CCDC61: variants seen among roughly 807,000 people sequenced by gnomAD.
The protein encoded by CCDC61 is centrosomal protein CCDC61.
A neutral mutation model predicts 63.0 loss-of-function variants in CCDC61; 55 were observed. The observed-to-expected ratio is 0.87, with a 90% CI of 0.70 to 1.09. The LOEUF (loss-of-function observed/expected upper bound fraction) is 1.09. Among genes scored for constraint, CCDC61 ranks in the 50% least tolerant of loss-of-function variants. The probability of loss-of-function intolerance (pLI) is 0.00; values close to 1 mark genes in which losing one functional copy is unlikely to be tolerated. For synonymous variants in CCDC61, 270 were observed against 317.0 expected, an observed-to-expected ratio of 0.85 and a Z score of 1.58; for missense variants, 651 against 731.4, an observed-to-expected ratio of 0.89 and a Z score of 1.27.
chr19:46,009,109 A>C (rs2146472688), intron 5 of CCDC61, among the ~76,000 whole-genome samples: 1 of 152,282 alleles, frequency 6.6e-6, no homozygotes, highest in South Asian at 2.1e-4. Flanking sequence ...AGGCTGTCAC[A>C]GGACTCCACT....
At chr19:46,003,889 A>G (rs191708902) in intron 3 of CCDC61, among the ~76,000 whole-genome samples, 94 of 150,782 alleles carry the variant, frequency 6.2e-4, no homozygotes, top group African/African-American at 2.2e-3. Flanking sequence ...GTAATTATAT[A>G]TAGTTTATAT....
In CCDC61 at chr19:46,018,436, T is replaced by C; in HGVS notation, c.*49T>C. On this transcript the variant is annotated 3_prime_UTR_variant, in exon 14 of 14. Coordinates refer to ENST00000595358, the MANE Select transcript of CCDC61 (RefSeq NM_001267723.2). The surrounding 1 kb of genome is among the most constrained non-coding windows in gnomAD (Gnocchi z 4.2). ...CCATCCCCCACCCACTTGCTGGGTA[T>C]GGTGTGGGGGGTGGGGCCAGGGTGG... 3 of 1,469,142 alleles carry C rather than the reference T, an allele frequency of 2.0e-6. No individual in the cohort carries two copies. The highest frequency in any genetic ancestry group is 1.2e-5 in the South Asian group (1 of 81,092). The allele number at this position is 1,469,142 out of a possible 1,614,324, so 91.0% of individuals were successfully genotyped here. A position where few individuals can be genotyped will look rare whatever the true frequency, so the allele number is the denominator to read the frequency against.
At position 46,016,261 on chromosome 19, in the gene CCDC61, T is replaced by C. The variant is rs1346198395; in HGVS notation, c.1015+38T>C. 2 of 1,603,104 alleles carry C rather than the reference T, an allele frequency of 1.2e-6. No homozygotes were observed. Among genetic ancestry groups the C allele is most frequent in the Non-Finnish European group, 1.7e-6 (2 of 1,174,688 alleles). ...GCCCTGCGGTAGGGAGGGGACGCAC[T>C]GGCGCTGCCAAGGCCCGTCTCCGGA... On this transcript the variant is annotated intron_variant, in intron 8 of 13. Transcript: ENST00000595358. This position sits in a 1 kb window ranked among gnomAD's most constrained non-coding sequence, Gnocchi z 7.2.
At chr19:46,012,002 C>T (rs1600651101) in intron 5 of CCDC61, among the ~76,000 whole-genome samples, 4 of 152,244 alleles carry the variant, frequency 2.6e-5, no homozygotes, top group South Asian at 4.2e-4. Flanking sequence ...GGGGTTTCAC[C>T]GTGTTGGCCA....
Position 46,016,182 on chromosome 19 carries a change from G to A in CCDC61, c.974G>A (p.Arg325Gln). 1.2e-5 allele frequency: 16 copies of A among 1,310,392 alleles called. No homozygotes were observed. Among genetic ancestry groups the A allele is most frequent in the South Asian group, 2.3e-5 (1 of 43,952 alleles). The allele number at this position is 1,310,392 out of a possible 1,614,324, so 81.2% of individuals were successfully genotyped here. A position where few individuals can be genotyped will look rare whatever the true frequency, so the allele number is the denominator to read the frequency against. Residue 325 changes from arginine (R) to glutamine (Q), a missense_variant, in exon 8 of 14, where the codon CGG (arginine) becomes CAG (glutamine). Physicochemically the swap from Arg to Gln is conservative, Grantham distance 43. Coordinates refer to ENST00000595358, the MANE Select transcript of CCDC61 (RefSeq NM_001267723.2). This position sits in a 1 kb window ranked among gnomAD's most constrained non-coding sequence, Gnocchi z 7.2. Reference protein sequence around the residue: ...SSSRESGRGSRGRGRPARPSP... With the variant: ...SSSRESGRGSQGRGRPARPSP... Reference sequence around the variant, plus strand: ...TCCCGGGAGAGCGGCCGCGGGAGCCGGGGTCGGGGCCGCCCTGCGCGCCCC... The same window carrying A: ...TCCCGGGAGAGCGGCCGCGGGAGCCAGGGTCGGGGCCGCCCTGCGCGCCCC...
intron 2 of CCDC61, 91 bp downstream of exon 2, chr19:46,003,257 G>A: frequency 1.4e-6 from 2 of 1,480,138 alleles, no homozygotes; most frequent in Admixed American, 4.4e-5. Flanking sequence ...CTGCCCACCT[G>A]CCTCTTCTTT....
intron 4 of CCDC61, among the ~76,000 whole-genome samples, chr19:46,007,624 G>A (rs1010695): frequency 0.27 from 41,461 of 152,002 alleles, 6,007 homozygotes; most frequent in Middle Eastern, 0.34. Flanking sequence ...AGAGAGTTGG[G>A]AATGGCAGTT....
chr19:46,007,719 A>G (rs1600646831), intron 4 of CCDC61, among the ~76,000 whole-genome samples: 1 of 152,180 alleles, frequency 6.6e-6, no homozygotes, highest in South Asian at 2.1e-4. Context: ...TGTGAATAGC[A>G]TCTCATGGGG....
Position 46,008,244 on chromosome 19 carries a change from T to C in CCDC61, c.494T>C (p.Leu165Pro). The change falls in exon 5 of 14, where the codon CTG (leucine) becomes CCG (proline). Residue 165 changes from leucine (L) to proline (P), a missense_variant. Coordinates refer to ENST00000595358, the MANE Select transcript of CCDC61 (RefSeq NM_001267723.2). ...GAGGAACTGGGCCGCCTGCAAGGGC[T>C]GGATGGCCAGAACACTCGGGACACC... is the stretch of plus-strand genomic sequence containing the variant. Reference protein sequence around the residue: ...LKEELGRLQGLDGQNTRDTRE... With the variant: ...LKEELGRLQGPDGQNTRDTRE... 6.4e-7 allele frequency: 1 copy of C among 1,564,540 alleles called. No individual in the cohort carries two copies. The highest frequency in any genetic ancestry group is 1.4e-5 in the African/African-American group (1 of 72,586).
intron 5 of CCDC61, among the ~76,000 whole-genome samples, chr19:46,008,934 A>G (rs1004766278): frequency 1.3e-5 from 2 of 152,138 alleles, no homozygotes; most frequent in African/African-American, 4.8e-5. Context: ...GTCGAGCTCT[A>G]TGTAGGCGAA....
At chr19:46,000,143 G>A in intron 1 of CCDC61, 1 of 788,290 alleles carries the variant, frequency 1.3e-6, no homozygotes, top group Non-Finnish European at 1.5e-6. Context: ...TGGGGTCAGT[G>A]GAGAGGAGGG....
At chr19:46,005,159 C>T (rs556641257) in intron 3 of CCDC61, among the ~76,000 whole-genome samples, 33 of 152,142 alleles carry the variant, frequency 2.2e-4, no homozygotes, top group Non-Finnish European at 3.1e-4. Flanking sequence ...TACAGGCATG[C>T]GCCATCATGC....
chr19:45,997,599 C>G (rs944234104), intron 1 of CCDC61, among the ~76,000 whole-genome samples: 1 of 152,108 alleles, frequency 6.6e-6, no homozygotes, highest in Non-Finnish European at 1.5e-5. Flanking sequence ...CCATGTTGGC[C>G]AGGGTGGTCT....
At chr19:46,003,722 G>A (rs1968638987) in intron 3 of CCDC61, among the ~76,000 whole-genome samples, 1 of 151,994 alleles carries the variant, frequency 6.6e-6, no homozygotes, top group Non-Finnish European at 1.5e-5. Flanking sequence ...ATATAAAGAA[G>A]AAAGTAAAAA....
Position 46,016,352 on chromosome 19 carries a change from T to C in CCDC61, c.1050T>C (p.Phe350=), listed in dbSNP as rs371023934. Residue 350 remains phenylalanine (F), a synonymous_variant, in exon 9 of 14, where the codon TTT becomes TTC. Transcript: ENST00000595358. The surrounding 1 kb of genome is among the most constrained non-coding windows in gnomAD (Gnocchi z 7.2). Reference sequence around the variant, plus strand: ...CGCTCCGCTTCGACCCCACGGCCTTTGTGAAAGCCAAGGAAAGGAAGCAGA... The same window carrying C: ...CGCTCCGCTTCGACCCCACGGCCTTCGTGAAAGCCAAGGAAAGGAAGCAGA... ...GRALRFDPTA[F]VKAKERKQRE... The C allele has an allele frequency of 1.9e-6, 3 of 1,613,822 alleles. No homozygotes were observed. The African/African-American group carries it at 4.0e-5, about 22-fold the overall frequency.
Position 46,017,070 on chromosome 19 carries a change from G to A in CCDC61, c.1310+1G>A. ...ATTTCTCTGAGTCGCTCTCCAGAGG[G>A]TAAAACTTGAACTTGGGAAAAGGAT... On this transcript the variant is annotated splice_donor_variant, in intron 11 of 13. Coordinates refer to ENST00000595358, the MANE Select transcript of CCDC61 (RefSeq NM_001267723.2). LOFTEE classifies it high-confidence loss of function. The A allele has an allele frequency of 2.5e-6, 4 of 1,611,640 alleles. No homozygotes were observed. Among genetic ancestry groups the A allele is most frequent in the Non-Finnish European group, 3.4e-6 (4 of 1,178,860 alleles).
At chr19:46,000,588 G>C (rs1293477787) in intron 1 of CCDC61, among the ~76,000 whole-genome samples, 1 of 151,950 alleles carries the variant, frequency 6.6e-6, no homozygotes, top group East Asian at 1.9e-4. Flanking sequence ...CCAGAATTCC[G>C]TGGCCATCTG....
In CCDC61 at chr19:46,006,696, C is replaced by G; in HGVS notation, c.369C>G (p.Ile123Met). The G allele has an allele frequency of 6.2e-7, 1 of 1,611,696 alleles. No homozygotes were observed. The highest frequency in any genetic ancestry group is 8.5e-7 in the Non-Finnish European group (1 of 1,178,316). ...ACTCCAAGCGCTACCTGATCCTCATCTACTCCGTGGAGTTTGACAGGTGGG... is the reference window on the plus strand; with the variant it reads ...ACTCCAAGCGCTACCTGATCCTCATGTACTCCGTGGAGTTTGACAGGTGGG... ...QLNSKRYLIL[I>M]YSVEFDRIHY... Residue 123 changes from isoleucine to methionine, a missense_variant, in exon 4 of 14, where the codon ATC becomes ATG. Ile to Met is a conservative substitution (Grantham distance 10). Coordinates refer to ENST00000595358, the MANE Select transcript of CCDC61 (RefSeq NM_001267723.2).
intron 1 of CCDC61, among the ~76,000 whole-genome samples, chr19:45,998,554 G>A (rs572789217): frequency 6.6e-6 from 1 of 152,220 alleles, no homozygotes; most frequent in East Asian, 1.9e-4. Context: ...GCCGAGGGGA[G>A]AAAACCTTGG....
Sources: gnomAD v4.1 joint callset for allele counts (sites outside exome capture counted in the v4.1 genomes callset) on GRCh38, gnomAD v4.1.1 for gene constraint, Gnocchi (gnomAD v3.1) non-coding constraint, MANE v1.5 for transcripts, NCBI Gene and HGNC (gene_info 2026-07-23, HGNC 2026-07-21) for gene names.